SOX5: variants seen among roughly 807,000 people sequenced by gnomAD.
SOX5 encodes SRY-box transcription factor 5.
In SOX5, 9 loss-of-function variants were observed where a neutral mutation model predicts 92.0. The observed-to-expected ratio is 0.10, with a 90% CI of 0.06 to 0.17. SOX5 has a LOEUF of 0.17. Among genes scored for constraint, SOX5 ranks in the 10% least tolerant of loss-of-function variants. The pLI, the probability that SOX5 is intolerant of heterozygous loss-of-function variation, is 1.00. For synonymous variants in SOX5, 344 were observed against 336.3 expected (o/e 1.02, Z -0.25); for missense variants, 642 against 944.5 (o/e 0.68, Z 4.20).
At chr12:24,324,687 T>A (rs527324733) in intron 2 of SOX5, among the ~76,000 whole-genome samples, 1 of 152,304 alleles carries the variant, frequency 6.6e-6, no homozygotes, top group South Asian at 2.1e-4. Flanking sequence ...ATTCAGTAGC[T>A]CTGTGTCTTT....
At chr12:24,405,511 G>A (rs1289128345) in intron 1 of SOX5, among the ~76,000 whole-genome samples, 2 of 152,106 alleles carry the variant, frequency 1.3e-5, no homozygotes, top group East Asian at 3.9e-4. Context: ...TAGAAAACAG[G>A]ATCAGAAGAG....
chr12:24,006,607 C>A (rs2136444690), intron 4 of SOX5, among the ~76,000 whole-genome samples: 1 of 152,170 alleles, frequency 6.6e-6, no homozygotes, highest in East Asian at 1.9e-4. Context: ...TGTCTTCATC[C>A]ACTCCTTCCA....
intron 1 of SOX5, among the ~76,000 whole-genome samples, chr12:23,932,747 A>G (rs948296380): frequency 3.3e-5 from 5 of 151,586 alleles, no homozygotes; most frequent in African/African-American, 1.2e-4. Context: ...GGTGACCACA[A>G]TGTTTTCGGT....
At chr12:24,508,505 T>C (rs112372054) in intron 1 of SOX5, among the ~76,000 whole-genome samples, 2 of 152,220 alleles carry the variant, frequency 1.3e-5, no homozygotes, top group African/African-American at 4.8e-5. Context: ...ATAAAGTCCA[T>C]GTTAAGCATG....
At chr12:24,436,283 T>TAGTCA (rs758410616) in intron 1 of SOX5, among the ~76,000 whole-genome samples, 3 of 152,140 alleles carry the variant, frequency 2.0e-5, no homozygotes, top group Non-Finnish European at 2.9e-5. Flanking sequence ...GCCAAACAAT[T>TAGTCA]AGTCAAGTTG....
At chr12:24,295,758 A>T (rs1326218150) in intron 2 of SOX5, among the ~76,000 whole-genome samples, 1 of 151,902 alleles carries the variant, frequency 6.6e-6, no homozygotes, top group East Asian at 1.9e-4. Context: ...TGTAGAGATG[A>T]GATTTTACCA....
At position 23,741,119 on chromosome 12, in the gene SOX5, C is replaced by T; in HGVS notation, c.569-80G>A. Reference sequence around the variant, plus strand: ...TCAATGAAAATGGCTCTGTTGTATACAGAGCCAGTCCAAATATAAAGTTCA... The same window carrying T: ...TCAATGAAAATGGCTCTGTTGTATATAGAGCCAGTCCAAATATAAAGTTCA... On this transcript the variant is annotated intron_variant, in intron 4 of 14. Coordinates refer to ENST00000451604, the MANE Select transcript of SOX5 (RefSeq NM_006940.6). 3.0e-6 allele frequency: 3 copies of T among 1,013,290 alleles called. No homozygotes were observed. In the South Asian group the frequency reaches 7.3e-5, roughly 25 times the overall value. 62.8% of individuals were successfully genotyped at this position (1,013,290 alleles called of 1,614,324 possible).
intron 4 of SOX5, among the ~76,000 whole-genome samples, chr12:23,752,015 A>T (rs1314829848): frequency 6.6e-6 from 1 of 151,154 alleles, no homozygotes; most frequent in Non-Finnish European, 1.5e-5. Flanking sequence ...TTAAAAACAG[A>T]TTCAACAGTT....
intron 6 of SOX5, among the ~76,000 whole-genome samples, chr12:23,710,177 AACAG>A (rs201547742): frequency 0.017 from 2,557 of 152,240 alleles, 61 homozygotes; most frequent in African/African-American, 0.058. Flanking sequence ...TGTTGGATTA[AACAG>A]ACAGCTTGTT....
intron 10 of SOX5, among the ~76,000 whole-genome samples, chr12:23,566,158 C>T (rs1947044410): frequency 6.6e-6 from 1 of 152,172 alleles, no homozygotes; most frequent in Non-Finnish European, 1.5e-5. Context: ...CTAATTGTCT[C>T]CACCATCTCT....
chr12:24,212,057 C>T (rs530158063), intron 4 of SOX5, among the ~76,000 whole-genome samples: 43 of 152,284 alleles, frequency 2.8e-4, no homozygotes, highest in Non-Finnish European at 5.6e-4. Context: ...CTTAACTCTG[C>T]AAGAATCAGT....
intron 2 of SOX5, among the ~76,000 whole-genome samples, chr12:23,893,731 A>G (rs2097151494): frequency 6.6e-6 from 1 of 152,216 alleles, no homozygotes; most frequent in African/African-American, 2.4e-5. Context: ...TGGAAAAGGC[A>G]TAAGGAGTGA....
intron 4 of SOX5, among the ~76,000 whole-genome samples, chr12:24,068,928 G>A: frequency 6.7e-6 from 1 of 150,360 alleles, no homozygotes; most frequent in Non-Finnish European, 1.5e-5. Flanking sequence ...TCAAATACAG[G>A]AACTTATTTT....
chr12:24,360,439 A>G (rs898377231), intron 2 of SOX5, among the ~76,000 whole-genome samples: 21 of 152,232 alleles, frequency 1.4e-4, no homozygotes, highest in African/African-American at 4.8e-4. Context: ...TAGGAAAATC[A>G]GCTCAAATTA....
intron 3 of SOX5, among the ~76,000 whole-genome samples, chr12:23,820,138 G>T (rs547320376): frequency 6.6e-6 from 1 of 152,222 alleles, no homozygotes; most frequent in African/African-American, 2.4e-5. Context: ...GGTGTGAGAT[G>T]GTATCTCATT....
chr12:23,950,973 G>C, upstream of SOX5: 2 of 849,100 alleles, frequency 2.4e-6, no homozygotes, highest in South Asian at 1.5e-5. Context: ...CTTCACACAC[G>C]CATGCACACA....
At chr12:23,618,832 T>C (rs535834518) in intron 8 of SOX5, among the ~76,000 whole-genome samples, 3 of 152,274 alleles carry the variant, frequency 2.0e-5, no homozygotes, top group East Asian at 3.9e-4. Context: ...TATGATTAAA[T>C]TCATCTCTTT....
intron 4 of SOX5, among the ~76,000 whole-genome samples, chr12:23,755,087 T>C (rs1473531962): frequency 2.6e-5 from 4 of 151,806 alleles, no homozygotes; most frequent in African/African-American, 9.7e-5. Context: ...CCCCTTGTTA[T>C]TAGTAGGAGT....
At chr12:24,027,114 T>C (rs1430323430) in intron 4 of SOX5, among the ~76,000 whole-genome samples, 2 of 152,002 alleles carry the variant, frequency 1.3e-5, no homozygotes, top group African/African-American at 4.8e-5. Flanking sequence ...CCACAGCCTA[T>C]CTGCAACTAC....
Sources: allele counts gnomAD v4.1 joint callset (sites outside exome capture counted in the v4.1 genomes callset), GRCh38; gene constraint gnomAD v4.1.1; transcripts MANE v1.5; gene names NCBI Gene and HGNC (gene_info 2026-07-23, HGNC 2026-07-21).